ERBB4: variants seen among roughly 807,000 people sequenced by gnomAD.
ERBB4 encodes erb-b2 receptor tyrosine kinase 4.
A neutral mutation model predicts 158.0 loss-of-function variants in ERBB4; 42 were observed. The ratio of observed to expected loss-of-function variants is 0.27; its 90% CI spans 0.21 to 0.34. The LOEUF is 0.34. ERBB4 is among the 10% of genes least tolerant of loss of function. The pLI is 1.00. For missense variants in ERBB4, 1,333 were observed against 1,624.1 expected (o/e 0.82, Z 3.08); for synonymous variants, 583 against 558.7 (o/e 1.04, Z -0.61).
chr2:211,611,555 G>A (rs377727048), intron 19 of ERBB4, among the ~76,000 whole-genome samples: 2 of 151,302 alleles, frequency 1.3e-5, no homozygotes, highest in African/African-American at 2.5e-5. Context: ...GTGAGACCAC[G>A]AACCCTTCGA....
chr2:211,443,247 TA>T (rs1349474533), intron 20 of ERBB4, among the ~76,000 whole-genome samples: 1 of 152,114 alleles, frequency 6.6e-6, no homozygotes, highest in African/African-American at 2.4e-5. Flanking sequence ...TAATAAATTT[TA>T]ATATTATTGG....
At position 211,938,229 on chromosome 2, in the gene ERBB4, A is replaced by G. The variant is rs545635869; in HGVS notation, c.421+9201T>C. 7.2e-5 allele frequency among the ~76,000 whole-genome samples: 11 copies of G among 152,292 alleles called. No individual in the cohort carries two copies. The South Asian group carries it at 2.1e-3, about 29-fold the overall frequency. ...TGTTCAATATGTACTTGATAATTTA[A>G]CTTTTATAATCATCTTACAACTGAG... On this transcript the variant is annotated intron_variant, in intron 3 of 27. Transcript: ENST00000342788.
chr2:212,367,627 A>G (rs1423408954), intron 1 of ERBB4, among the ~76,000 whole-genome samples: 10 of 152,166 alleles, frequency 6.6e-5, no homozygotes, highest in Admixed American at 2.6e-4. Flanking sequence ...CAGCAAAAGG[A>G]ACAGTCAGCA....
At chr2:212,530,936 T>C (rs1319906816) in intron 1 of ERBB4, among the ~76,000 whole-genome samples, 1 of 152,214 alleles carries the variant, frequency 6.6e-6, no homozygotes, top group South Asian at 2.1e-4. Context: ...AAATATATTA[T>C]AAATCTTCAA....
At chr2:212,089,155 C>T (rs930529363) in intron 2 of ERBB4, among the ~76,000 whole-genome samples, 4 of 151,986 alleles carry the variant, frequency 2.6e-5, no homozygotes, top group Non-Finnish European at 5.9e-5. Context: ...AAATACCAAC[C>T]TGATTTCACA....
At chr2:211,537,888 T>A (rs1184683431) in intron 20 of ERBB4, among the ~76,000 whole-genome samples, 1 of 151,938 alleles carries the variant, frequency 6.6e-6, no homozygotes, top group African/African-American at 2.4e-5. Context: ...TTTTCTCCAA[T>A]CATTTTCAAA....
At chr2:211,819,641 A>G (rs970998531) in intron 3 of ERBB4, among the ~76,000 whole-genome samples, 1 of 151,984 alleles carries the variant, frequency 6.6e-6, no homozygotes, top group Admixed American at 6.6e-5. Context: ...ACTTTCACAA[A>G]GGTCTCAAAA....
At chr2:211,944,071 CAT>C (rs2080582496) in intron 3 of ERBB4, among the ~76,000 whole-genome samples, 1 of 96,676 alleles carries the variant, frequency 1.0e-5, no homozygotes. Flanking sequence ...TATATATACA[CAT>C]GGTTACACTA....
chr2:212,468,603 G>A (rs536899951), intron 1 of ERBB4, among the ~76,000 whole-genome samples: 1 of 152,080 alleles, frequency 6.6e-6, no homozygotes, highest in Non-Finnish European at 1.5e-5. Context: ...TTTGTAAATT[G>A]TCCCGTCTCA....
intron 1 of ERBB4, among the ~76,000 whole-genome samples, chr2:212,435,854 A>G (rs73989003): frequency 0.051 from 7,825 of 151,978 alleles, 513 homozygotes; most frequent in African/African-American, 0.15. Flanking sequence ...TTATATTTTA[A>G]TACTATGTAA....
chr2:211,964,859 A>C (rs1037003999), intron 2 of ERBB4, among the ~76,000 whole-genome samples: 2 of 152,164 alleles, frequency 1.3e-5, no homozygotes, highest in African/African-American at 4.8e-5. Context: ...TTTTTTTACT[A>C]TCATTATTAC....
chr2:211,815,021 T>C (rs1212659778), intron 3 of ERBB4, among the ~76,000 whole-genome samples: 1 of 152,194 alleles, frequency 6.6e-6, no homozygotes, highest in Non-Finnish European at 1.5e-5. Context: ...AGAGTAATTA[T>C]AAATAATACC....
chr2:212,371,338 A>G (rs545953140), intron 1 of ERBB4, among the ~76,000 whole-genome samples: 7 of 152,314 alleles, frequency 4.6e-5, no homozygotes, highest in African/African-American at 1.7e-4. Context: ...AAATCTGACA[A>G]TACTCTATCT....
At chr2:211,962,396 T>C (rs1237772016) in intron 2 of ERBB4, among the ~76,000 whole-genome samples, 1 of 152,128 alleles carries the variant, frequency 6.6e-6, no homozygotes. Flanking sequence ...GAGAATAATA[T>C]GTCTAATGTC....
At chr2:212,357,709 T>C (rs1424853268) in intron 1 of ERBB4, among the ~76,000 whole-genome samples, 1 of 151,782 alleles carries the variant, frequency 6.6e-6, no homozygotes, top group Non-Finnish European at 1.5e-5. Context: ...AACGTAGCTT[T>C]CTATCAAAGA....
intron 1 of ERBB4, among the ~76,000 whole-genome samples, chr2:212,251,919 T>C (rs2084550355): frequency 6.6e-6 from 1 of 151,810 alleles, no homozygotes; most frequent in Admixed American, 6.6e-5. Flanking sequence ...TGACAATGGA[T>C]CACAAGGGTA....
In ERBB4 at chr2:212,003,201, GA is replaced by G. The variant is rs1559293707; in HGVS notation, c.235-55586del. 7.5e-3 allele frequency among the ~76,000 whole-genome samples: 399 copies of G among 52,894 alleles called. 15 individuals are homozygous for G. The highest frequency in any genetic ancestry group is 0.028 in the Middle Eastern group (3 of 108). 34.7% of individuals were successfully genotyped at this position (52,894 alleles called of 152,430 possible). A position where few individuals can be genotyped will look rare whatever the true frequency, so the allele number is the denominator to read the frequency against. On this transcript the variant is annotated intron_variant, in intron 2 of 27. Coordinates refer to ENST00000342788, the MANE Select transcript of ERBB4 (RefSeq NM_005235.3). ...AGAAAGAAAGAAAGAAAGAAAGAAA[GA>G]AAGACAGAAAGAAGGAAGGAAGGAA...
intron 1 of ERBB4, among the ~76,000 whole-genome samples, chr2:212,247,648 T>G (rs1574513574): frequency 6.6e-6 from 1 of 152,126 alleles, no homozygotes; most frequent in East Asian, 1.9e-4. Flanking sequence ...CATTTAATAT[T>G]TTATCATAGT....
rs932102654 is a variant in ERBB4, at chr2:211,378,131, T to C, written c.*5484A>G. On this transcript the variant is annotated 3_prime_UTR_variant, in exon 28 of 28. Coordinates refer to ENST00000342788, the MANE Select transcript of ERBB4 (RefSeq NM_005235.3). Reference sequence around the variant, plus strand: ...AAGAGAGCAGTGCCAGTTGTGTCAATGGGCAAAAAAGGGAAGGATTCTATT... The same window carrying C: ...AAGAGAGCAGTGCCAGTTGTGTCAACGGGCAAAAAAGGGAAGGATTCTATT... 1 of 232,454 alleles carries C rather than the reference T, an allele frequency of 4.3e-6. No homozygotes were observed. The highest frequency in any genetic ancestry group is 2.2e-5 in the African/African-American group (1 of 45,164). The allele number at this position is 232,454 out of a possible 1,614,324, so 14.4% of individuals were successfully genotyped here.
Sources: allele counts gnomAD v4.1 joint callset (sites outside exome capture counted in the v4.1 genomes callset), GRCh38; gene constraint gnomAD v4.1.1; transcripts MANE v1.5; gene names NCBI Gene and HGNC (gene_info 2026-07-23, HGNC 2026-07-21).